ACSS3: variants seen among roughly 807,000 people sequenced by gnomAD.
ACSS3 encodes acyl-CoA synthetase short chain family member 3, also known as acyl-CoA synthetase short-chain family member 3, mitochondrial.
A neutral mutation model predicts 84.2 loss-of-function variants in ACSS3; 64 were observed. The ratio of observed to expected loss-of-function variants is 0.76; its 90% CI spans 0.62 to 0.94. The LOEUF is 0.94. Ranked by LOEUF, ACSS3 falls within the 40% of genes least tolerant of loss-of-function variation. ACSS3 has a pLI of 0.00. For missense variants in ACSS3, 815 were observed against 867.6 expected (o/e 0.94, Z 0.76); for synonymous variants, 317 against 310.1 (o/e 1.02, Z -0.23).
At chr12:81,148,831 G>A (rs566794016) in intron 5 of ACSS3, among the ~76,000 whole-genome samples, 1 of 151,096 alleles carries the variant, frequency 6.6e-6, no homozygotes, top group East Asian at 1.9e-4. Context: ...GAAGGCCGAG[G>A]CGGGCAGATC....
At chr12:81,194,907 C>T (rs1194771186) in intron 8 of ACSS3, among the ~76,000 whole-genome samples, 2 of 151,732 alleles carry the variant, frequency 1.3e-5, no homozygotes, top group Non-Finnish European at 2.9e-5. Flanking sequence ...ATCAAGATAT[C>T]AGGTGTCCCT....
chr12:81,136,365 A>G (rs1885804098), intron 3 of ACSS3, among the ~76,000 whole-genome samples: 3 of 152,188 alleles, frequency 2.0e-5, no homozygotes, highest in African/African-American at 7.2e-5. Flanking sequence ...GCACAAAAGC[A>G]TCCTTAGACA....
At chr12:81,118,307 T>C (rs1033604327) in intron 2 of ACSS3, among the ~76,000 whole-genome samples, 3 of 152,196 alleles carry the variant, frequency 2.0e-5, no homozygotes, top group African/African-American at 7.2e-5. Context: ...AGGTTTAGCT[T>C]GGCATGACCC....
intron 5 of ACSS3, among the ~76,000 whole-genome samples, chr12:81,148,425 C>A (rs1443879695): frequency 6.6e-6 from 1 of 152,180 alleles, no homozygotes; most frequent in Non-Finnish European, 1.5e-5. Context: ...TCTGTGATAA[C>A]TTTGTGGTCC....
At chr12:81,221,849 T>C (rs1441488520) in intron 11 of ACSS3, among the ~76,000 whole-genome samples, 1 of 152,082 alleles carries the variant, frequency 6.6e-6, no homozygotes. Flanking sequence ...CAAAGCACTT[T>C]AGCAGCATAC....
intron 9 of ACSS3, among the ~76,000 whole-genome samples, chr12:81,200,203 G>C (rs1293846551): frequency 1.3e-5 from 2 of 151,920 alleles, no homozygotes; most frequent in East Asian, 3.9e-4. Context: ...TATGAGAATG[G>C]GTACATTGTC....
At chr12:81,127,246 A>T (rs1183029293) in intron 2 of ACSS3, among the ~76,000 whole-genome samples, 1 of 151,914 alleles carries the variant, frequency 6.6e-6, no homozygotes, top group Admixed American at 6.6e-5. Flanking sequence ...ACATTTCTAG[A>T]AGCTTCTTAT....
chr12:81,104,364 G>A (rs911939110), intron 1 of ACSS3, among the ~76,000 whole-genome samples: 3 of 152,134 alleles, frequency 2.0e-5, no homozygotes, highest in Admixed American at 6.5e-5. Context: ...TTTTAGGTGA[G>A]TGCTGTCCTA....
At chr12:81,240,395 A>G (rs1460725273) in intron 13 of ACSS3, among the ~76,000 whole-genome samples, 1 of 152,026 alleles carries the variant, frequency 6.6e-6, no homozygotes, top group Non-Finnish European at 1.5e-5. Context: ...AGCATGGTAT[A>G]ACTTTCTCCA....
rs1885798783 is a variant in ACSS3, at chr12:81,136,305, C to G, written c.645+1301C>G. Among the ~76,000 whole-genome samples the G allele has an allele frequency of 2.0e-5, 3 of 152,076 alleles. No homozygotes were observed. The South Asian group carries it at 6.2e-4, about 31-fold the overall frequency. On this transcript the variant is annotated intron_variant, in intron 3 of 15. Transcript: ENST00000548058. ...TTGACCAGATAGTAAATATTTTAGG[C>G]AGTATGGATAACATGATCTCTATCG...
chr12:81,245,540 C>G (rs759132527), intron 13 of ACSS3, among the ~76,000 whole-genome samples: 6 of 152,164 alleles, frequency 3.9e-5, no homozygotes, highest in Non-Finnish European at 8.8e-5. Flanking sequence ...GTCAGTTAGG[C>G]TCTGAGAAAA....
At chr12:81,195,276 C>CTACT in intron 8 of ACSS3, among the ~76,000 whole-genome samples, 1 of 152,070 alleles carries the variant, frequency 6.6e-6, no homozygotes, top group Non-Finnish European at 1.5e-5. Flanking sequence ...AAACATGGCA[C>CTACT]TACTTTTCAG....
chr12:81,177,032 G>A (rs1353945226), intron 8 of ACSS3, among the ~76,000 whole-genome samples: 1 of 152,074 alleles, frequency 6.6e-6, no homozygotes, highest in African/African-American at 2.4e-5. Flanking sequence ...CACAAAATAT[G>A]AGTCATCACA....
intron 8 of ACSS3, among the ~76,000 whole-genome samples, chr12:81,184,086 A>G (rs1222428682): frequency 6.6e-6 from 1 of 152,024 alleles, no homozygotes; most frequent in Non-Finnish European, 1.5e-5. Flanking sequence ...AATAATATTT[A>G]GTATAATTTT....
intron 7 of ACSS3, among the ~76,000 whole-genome samples, chr12:81,162,320 A>G (rs1887191672): frequency 6.6e-6 from 1 of 152,182 alleles, no homozygotes; most frequent in Non-Finnish European, 1.5e-5. Flanking sequence ...ATATCTGTGC[A>G]GCTTGCAGCT....
At chr12:81,099,194 A>AG (rs1344068064) in intron 1 of ACSS3, among the ~76,000 whole-genome samples, 2 of 152,048 alleles carry the variant, frequency 1.3e-5, no homozygotes, top group African/African-American at 4.8e-5. Flanking sequence ...AATTGTTTCC[A>AG]ATATGTTGGC....
intron 9 of ACSS3, among the ~76,000 whole-genome samples, chr12:81,208,690 T>C (rs939037867): frequency 6.6e-6 from 1 of 152,088 alleles, no homozygotes; most frequent in Non-Finnish European, 1.5e-5. Context: ...ATGTCTCCCA[T>C]TGTTCCTGGA....
At chr12:81,146,539 C>T (rs1429660563) in intron 5 of ACSS3, among the ~76,000 whole-genome samples, 2 of 152,082 alleles carry the variant, frequency 1.3e-5, no homozygotes, top group Non-Finnish European at 2.9e-5. Flanking sequence ...GCAGTCTGTT[C>T]TTTGGTTAGA....
At chr12:81,246,904 G>C (rs2034001096) in intron 13 of ACSS3, among the ~76,000 whole-genome samples, 1 of 152,004 alleles carries the variant, frequency 6.6e-6, no homozygotes. Context: ...TATTTCTATA[G>C]CAAACGTGCT....
Sources: gnomAD v4.1 joint callset for allele counts (sites outside exome capture counted in the v4.1 genomes callset) on GRCh38, gnomAD v4.1.1 for gene constraint, MANE v1.5 for transcripts, NCBI Gene and HGNC (gene_info 2026-07-23, HGNC 2026-07-21) for gene names.